The following DCDC1 variants were observed in gnomAD, a reference collection of about 807,000 sequenced individuals.
The protein encoded by DCDC1 is doublecortin domain-containing protein 1.
In DCDC1, 200 loss-of-function variants were observed where a neutral mutation model predicts 178.3. The ratio of observed to expected loss-of-function variants is 1.12; its 90% CI spans 1.00 to 1.26. The LOEUF is 1.26. Ranked by LOEUF, DCDC1 falls within the 50% of genes most tolerant of loss-of-function variation. DCDC1 has a pLI of 0.00. For synonymous variants in DCDC1, 690 were observed against 604.8 expected (o/e 1.14, Z -2.07); for missense variants, 1,983 against 1,749.2 (o/e 1.13, Z -2.38).
intron 7 of DCDC1, among the ~76,000 whole-genome samples, chr11:31,285,338 T>A (rs574005740): frequency 6.6e-6 from 1 of 152,152 alleles, no homozygotes; most frequent in Non-Finnish European, 1.5e-5. Context: ...TTCTTCATAT[T>A]TCATAAAAAG....
chr11:31,266,068 A>G (rs1441189172), intron 7 of DCDC1, among the ~76,000 whole-genome samples: 2 of 151,944 alleles, frequency 1.3e-5, no homozygotes, highest in East Asian at 3.9e-4. Context: ...TTAAGTACCT[A>G]CTTTCCTTAG....
chr11:31,241,565 A>G lies in DCDC1; in HGVS notation c.1106T>C (p.Leu369Pro), dbSNP rs2616812. ...ACCTTCTCCCTTAGAGACCCAAAGT[A>G]GTCCTCGCAAAGGTGTGATGGAATT... ...LQNSITPLRG[L>P]LWVSKGEGFS... Residue 369 changes from leucine (L) to proline (P), a missense_variant, in exon 9 of 39, where the codon CTA becomes CCA. Coordinates refer to ENST00000684477, the MANE Select transcript of DCDC1 (RefSeq NM_001387274.1). 263,742 of 397,106 alleles carry G rather than the reference A, an allele frequency of 0.66. 90,260 individuals carry two copies. The highest frequency in any genetic ancestry group is 0.95 in the East Asian group (26,578 of 28,014). 24.6% of individuals were successfully genotyped at this position (397,106 alleles called of 1,614,324 possible). A position where few individuals can be genotyped will look rare whatever the true frequency, so the allele number is the denominator to read the frequency against.
intron 9 of DCDC1, among the ~76,000 whole-genome samples, chr11:31,177,403 T>C (rs954566213): frequency 1.4e-4 from 21 of 150,482 alleles, no homozygotes; most frequent in African/African-American, 5.1e-4. Context: ...ATTTTAAGAC[T>C]GAGATGAAGA....
At chr11:31,064,343 C>G in intron 20 of DCDC1, 126 bp downstream of exon 20, 1 of 597,364 alleles carries the variant, frequency 1.7e-6, no homozygotes, top group Non-Finnish European at 3.0e-6. Context: ...CCAAAAACTA[C>G]TACGCTTGAA....
intron 20 of DCDC1, among the ~76,000 whole-genome samples, chr11:30,985,022 T>A (rs1047170326): frequency 6.6e-6 from 1 of 152,178 alleles, no homozygotes; most frequent in African/African-American, 2.4e-5. Flanking sequence ...AGAGATCAGA[T>A]GATTCCTTCA....
chr11:30,985,587 G>A (rs1950599034), intron 20 of DCDC1, among the ~76,000 whole-genome samples: 1 of 152,120 alleles, frequency 6.6e-6, no homozygotes, highest in African/African-American at 2.4e-5. Flanking sequence ...ACAGAAGATA[G>A]ACTATTTTTA....
intron 9 of DCDC1, among the ~76,000 whole-genome samples, chr11:31,219,485 C>A: frequency 6.6e-6 from 1 of 152,184 alleles, no homozygotes; most frequent in East Asian, 1.9e-4. Flanking sequence ...GCTTAGAAAC[C>A]CCTTACTGTA....
chr11:31,225,756 C>T (rs1355814438), intron 9 of DCDC1, among the ~76,000 whole-genome samples: 2 of 148,930 alleles, frequency 1.3e-5, no homozygotes, highest in African/African-American at 5.0e-5. Context: ...TATAGATATG[C>T]TTTATTTCCT....
chr11:30,998,962 G>T (rs532623975), intron 20 of DCDC1, among the ~76,000 whole-genome samples: 13 of 152,238 alleles, frequency 8.5e-5, no homozygotes, highest in African/African-American at 3.1e-4. Context: ...CTGATATAAT[G>T]CAATAAAAAG....
chr11:31,288,186 G>A (rs972033081), intron 7 of DCDC1, among the ~76,000 whole-genome samples: 2 of 151,884 alleles, frequency 1.3e-5, no homozygotes, highest in Non-Finnish European at 2.9e-5. Flanking sequence ...TCTCAAAGTT[G>A]TGTATCCATA....
intron 20 of DCDC1, among the ~76,000 whole-genome samples, chr11:30,954,005 CTTTTTTT>C (rs5790847): frequency 1.3e-4 from 10 of 76,506 alleles, no homozygotes; most frequent in African/African-American, 2.7e-4. Flanking sequence ...TACAACAATT[CTTTTTTT>C]TTTTTTTTTT....
At chr11:30,927,523 GGA>G (rs1946661595) in intron 22 of DCDC1, among the ~76,000 whole-genome samples, 1 of 152,132 alleles carries the variant, frequency 6.6e-6, no homozygotes. Context: ...AACAAGCCTT[GGA>G]GAAGGACAGG....
chr11:30,995,379 GCAAACTCTTTTGTAGATTTCGA>G (rs1163661754), intron 20 of DCDC1, among the ~76,000 whole-genome samples: 2 of 152,006 alleles, frequency 1.3e-5, no homozygotes, highest in African/African-American at 4.8e-5. Flanking sequence ...AAAAATCCCA[GCAAACTCTTTTGTAGATTTCGA>G]CAAGCTGGTT....
intron 1 of DCDC1, among the ~76,000 whole-genome samples, chr11:31,356,622 C>T (rs1307266313): frequency 1.3e-5 from 2 of 150,314 alleles, no homozygotes; most frequent in Admixed American, 1.3e-4. Flanking sequence ...CACAAAAAAC[C>T]CTTCAAAAAA....
chr11:31,029,486 A>T (rs956706182), intron 20 of DCDC1, among the ~76,000 whole-genome samples: 2 of 152,236 alleles, frequency 1.3e-5, no homozygotes, highest in South Asian at 4.1e-4. Context: ...GATGCCTATG[A>T]TATTTCATTT....
At chr11:31,367,856 T>A (rs1952042341) in intron 1 of DCDC1, among the ~76,000 whole-genome samples, 1 of 152,238 alleles carries the variant, frequency 6.6e-6, no homozygotes, top group African/African-American at 2.4e-5. Context: ...AAAATTGTTT[T>A]AAGAAGTTTA....
intron 21 of DCDC1, among the ~76,000 whole-genome samples, chr11:30,940,627 A>T (rs1565101823): frequency 6.6e-6 from 1 of 152,090 alleles, no homozygotes; most frequent in Non-Finnish European, 1.5e-5. Flanking sequence ...AACATTTTTA[A>T]TATTATTATT....
intron 20 of DCDC1, among the ~76,000 whole-genome samples, chr11:31,051,730 T>G (rs924834460): frequency 6.6e-6 from 1 of 152,096 alleles, no homozygotes; most frequent in African/African-American, 2.4e-5. Context: ...AAACTAAGCA[T>G]CATATATGGA....
At chr11:31,229,328 A>G (rs1975448546) in intron 9 of DCDC1, among the ~76,000 whole-genome samples, 1 of 152,230 alleles carries the variant, frequency 6.6e-6, no homozygotes, top group African/African-American at 2.4e-5. Flanking sequence ...GCCCCTCAAG[A>G]TCAGAGATAT....
Sources: gnomAD v4.1 joint callset for allele counts (sites outside exome capture counted in the v4.1 genomes callset) on GRCh38, gnomAD v4.1.1 for gene constraint, MANE v1.5 for transcripts, NCBI Gene and HGNC (gene_info 2026-07-23, HGNC 2026-07-21) for gene names.